The following PPP2R2C variants were observed in gnomAD, a reference collection of about 807,000 sequenced individuals.
The protein encoded by PPP2R2C is protein phosphatase 2, regulatory subunit B, gamma.
PPP2R2C carries 10 observed loss-of-function variants against 45.3 expected under a neutral mutation model. That is an observed-to-expected ratio of 0.22 (90% CI 0.14 to 0.37). PPP2R2C has a LOEUF of 0.37. Ranked by LOEUF, PPP2R2C falls within the 10% of genes least tolerant of loss-of-function variation. The pLI, the probability that PPP2R2C is intolerant of heterozygous loss-of-function variation, is 1.00. For missense variants in PPP2R2C, 308 were observed against 619.7 expected (o/e 0.50, Z 5.34); for synonymous variants, 257 against 245.4 (o/e 1.05, Z -0.44).
chr4:6,346,276 G>A (rs1435899427), intron 6 of PPP2R2C, among the ~76,000 whole-genome samples: 1 of 152,162 alleles, frequency 6.6e-6, no homozygotes, highest in Non-Finnish European at 1.5e-5. Context: ...TCTCAGCTCA[G>A]CCAGAACAAA....
At chr4:6,344,337 G>A (rs1316620377) in intron 6 of PPP2R2C, among the ~76,000 whole-genome samples, 1 of 152,210 alleles carries the variant, frequency 6.6e-6, no homozygotes, top group Non-Finnish European at 1.5e-5. Flanking sequence ...GAGTTCATTG[G>A]CTGATTCACA....
At chr4:6,486,172 A>G (rs1364772148) in intron 2 of PPP2R2C, among the ~76,000 whole-genome samples, 1 of 152,002 alleles carries the variant, frequency 6.6e-6, no homozygotes, top group African/African-American at 2.4e-5. Flanking sequence ...ATTGTTTCCA[A>G]ATATTTGGAG....
At chr4:6,434,362 T>TTC (rs1455542911) in intron 1 of PPP2R2C, among the ~76,000 whole-genome samples, 4 of 138,090 alleles carry the variant, frequency 2.9e-5, no homozygotes, top group South Asian at 2.4e-4. Context: ...TTCTTTTCTT[T>TTC]TTTTTTTTTT....
chr4:6,394,150 C>G (rs895321100), intron 1 of PPP2R2C, among the ~76,000 whole-genome samples: 5 of 152,220 alleles, frequency 3.3e-5, no homozygotes, highest in African/African-American at 7.2e-5. Context: ...GGCCTAGAAT[C>G]TGCATTCTGA....
At chr4:6,351,595 G>A (rs75748723) in intron 5 of PPP2R2C, among the ~76,000 whole-genome samples, 5,157 of 152,212 alleles carry the variant, frequency 0.034, 156 homozygotes, top group African/African-American at 0.078. Flanking sequence ...CTCTGTCTTC[G>A]GATACGGTGG....
chr4:6,357,556 A>G (rs552783815), intron 5 of PPP2R2C, among the ~76,000 whole-genome samples: 7 of 152,222 alleles, frequency 4.6e-5, no homozygotes, highest in Non-Finnish European at 1.0e-4. Context: ...CCTGCCGCCC[A>G]CAGCCCCAGG....
At chr4:6,438,175 C>T (rs1719983259) in intron 1 of PPP2R2C, among the ~76,000 whole-genome samples, 1 of 152,236 alleles carries the variant, frequency 6.6e-6, no homozygotes, top group Non-Finnish European at 1.5e-5. Flanking sequence ...CCCCACTCAC[C>T]ATCGTACAGT....
chr4:6,546,845 C>CG (rs1467271087), intron 1 of PPP2R2C, among the ~76,000 whole-genome samples: 1 of 152,026 alleles, frequency 6.6e-6, no homozygotes, highest in Non-Finnish European at 1.5e-5. Context: ...GGCCGTGAAG[C>CG]GGGGGCTCTG....
At chr4:6,346,242 T>G (rs116796295) in intron 6 of PPP2R2C, among the ~76,000 whole-genome samples, 1,993 of 152,148 alleles carry the variant, frequency 0.013, 46 homozygotes, top group African/African-American at 0.045. Context: ...AGTCCCAATC[T>G]CGTGACAACC....
chr4:6,521,108 C>A (rs1724003570), intron 2 of PPP2R2C, among the ~76,000 whole-genome samples: 1 of 152,192 alleles, frequency 6.6e-6, no homozygotes, highest in Admixed American at 6.5e-5. Context: ...CAGCCTGAGG[C>A]CACACAGCAT....
At chr4:6,425,140 C>G (rs1382984432) in intron 1 of PPP2R2C, among the ~76,000 whole-genome samples, 1 of 152,210 alleles carries the variant, frequency 6.6e-6, no homozygotes, top group African/African-American at 2.4e-5. Flanking sequence ...AATGCTGGAA[C>G]ATGAGAGTCA....
intron 1 of PPP2R2C, among the ~76,000 whole-genome samples, chr4:6,557,034 C>A (rs1000656505): frequency 4.6e-5 from 7 of 152,126 alleles, no homozygotes; most frequent in Non-Finnish European, 1.0e-4. Context: ...CAGAGAGAAG[C>A]TGGGGCTGGA....
In PPP2R2C at chr4:6,345,579, C is replaced by G. The variant is rs1214448830; in HGVS notation, c.790+2267G>C. The stretch of plus-strand genomic sequence containing the variant: ...GTGAGAGAGGCTTGGCCGCTGTGGG[C>G]TGGGAGGATGGGGGAGGGGCCACGT... On this transcript the variant is annotated intron_variant, in intron 6 of 8. Coordinates refer to ENST00000382599, the MANE Select transcript of PPP2R2C (RefSeq NM_020416.4). The surrounding 1 kb of genome is among the most constrained non-coding windows in gnomAD (Gnocchi z 5.3). Among the ~76,000 whole-genome samples the G allele has an allele frequency of 6.6e-6, 1 of 152,076 alleles. No individual in the cohort carries two copies. Among genetic ancestry groups the G allele is most frequent in the Non-Finnish European group, 1.5e-5 (1 of 68,002 alleles).
intron 1 of PPP2R2C, among the ~76,000 whole-genome samples, chr4:6,538,680 C>T (rs942375298): frequency 7.2e-5 from 11 of 152,214 alleles, no homozygotes; most frequent in African/African-American, 1.7e-4. Context: ...AGGCTTGGAG[C>T]GGTTGCACCA....
intron 1 of PPP2R2C, among the ~76,000 whole-genome samples, chr4:6,414,966 T>C (rs990996602): frequency 6.6e-6 from 1 of 152,148 alleles, no homozygotes; most frequent in African/African-American, 2.4e-5. Context: ...CCAGTGACCA[T>C]AGGAACCCAG....
chr4:6,362,107 G>A (rs1713809370), intron 5 of PPP2R2C, among the ~76,000 whole-genome samples: 1 of 152,120 alleles, frequency 6.6e-6, no homozygotes, highest in South Asian at 2.1e-4. Context: ...GGCTGAGCAT[G>A]AGGGAGGGAG....
At chr4:6,430,653 G>A (rs1427565931) in intron 1 of PPP2R2C, among the ~76,000 whole-genome samples, 2 of 152,252 alleles carry the variant, frequency 1.3e-5, no homozygotes, top group Admixed American at 6.5e-5. Flanking sequence ...AGCCGGGCAC[G>A]GTGGCTCACA....
intron 6 of PPP2R2C, among the ~76,000 whole-genome samples, chr4:6,347,033 C>T (rs1194044138): frequency 9.9e-5 from 15 of 152,234 alleles, no homozygotes. Context: ...GTGGCCTGAT[C>T]CCTCGCCTTC....
intron 3 of PPP2R2C, among the ~76,000 whole-genome samples, chr4:6,377,130 C>T (rs539644061): frequency 3.9e-5 from 6 of 152,220 alleles, no homozygotes; most frequent in South Asian, 4.1e-4. Context: ...GCAGAAGCTG[C>T]GCCTAGCCAT....
Sources: allele counts gnomAD v4.1 joint callset (sites outside exome capture counted in the v4.1 genomes callset), GRCh38; gene constraint gnomAD v4.1.1; non-coding constraint Gnocchi (gnomAD v3.1); transcripts MANE v1.5; gene names NCBI Gene and HGNC (gene_info 2026-07-23, HGNC 2026-07-21).